COL17A1: variants seen among roughly 807,000 people sequenced by gnomAD.
The protein encoded by COL17A1 is collagen alpha-1(XVII) chain.
A neutral mutation model predicts 218.4 loss-of-function variants in COL17A1; 181 were observed. That is an observed-to-expected ratio of 0.83 (90% confidence interval 0.73 to 0.94). The LOEUF is 0.94. Among genes scored for constraint, COL17A1 ranks in the 40% least tolerant of loss-of-function variants. The probability of loss-of-function intolerance (pLI) is 0.00; values close to 1 mark genes in which losing one functional copy is unlikely to be tolerated. For missense variants in COL17A1, 1,924 were observed against 1,945.9 expected (o/e 0.99, Z 0.21); for synonymous variants, 721 against 731.0 (o/e 0.99, Z 0.22).
chr10:104,038,380 A>C (rs747166153), intron 45 of COL17A1, 26 bp downstream of exon 45: 2 of 1,613,506 alleles, frequency 1.2e-6, no homozygotes, highest in Non-Finnish European at 8.5e-7. Flanking sequence ...TCTTGTCCCC[A>C]CGGCTTGCGG....
rs2086453919 is a variant in COL17A1 at position 104,050,139 on chromosome 10, G to A, written c.2129-15C>T. 6.2e-7 allele frequency: 1 copy of A among 1,614,102 alleles called. No individual in the cohort carries two copies. Among genetic ancestry groups the A allele is most frequent in the Non-Finnish European group, 8.5e-7 (1 of 1,179,986 alleles). ...ACCCTGGTCACCTAAAGCAAACAAG[G>A]GGGAGGTGGAAAAAGCCACAGTTGT... On this transcript the variant is annotated splice_polypyrimidine_tract_variant and intron_variant, in intron 27 of 55. Coordinates refer to ENST00000648076, the MANE Select transcript of COL17A1 (RefSeq NM_000494.4).
chr10:104,036,346 G>T, intron 48 of COL17A1, 146 bp downstream of exon 48: 1 of 1,200,872 alleles, frequency 8.3e-7, no homozygotes, highest in Non-Finnish European at 1.2e-6. Context: ...TCACAGGTTT[G>T]AACGGCTCTG....
At chr10:104,059,445 G>A in intron 15 of COL17A1, 193 bp downstream of exon 15, 1 of 634,274 alleles carries the variant, frequency 1.6e-6, no homozygotes, top group Non-Finnish European at 2.9e-6. Flanking sequence ...CACCTAGGAA[G>A]CTTGTTGAAC....
At chr10:104,059,548 C>T in intron 15 of COL17A1, 90 bp downstream of exon 15, 1 of 1,238,464 alleles carries the variant, frequency 8.1e-7, no homozygotes, top group Non-Finnish European at 1.2e-6. Context: ...GCCCGTGGAC[C>T]ACACTTTGAG....
At chr10:104,059,975 A>T in intron 14 of COL17A1, 144 bp downstream of exon 14, 1 of 1,401,082 alleles carries the variant, frequency 7.1e-7, no homozygotes, top group Non-Finnish European at 9.8e-7. Flanking sequence ...CCTGGAACAT[A>T]CTATTCAGAC....
At chr10:104,079,389 A>ATG (rs144772803) in intron 2 of COL17A1, among the ~76,000 whole-genome samples, 57 of 150,732 alleles carry the variant, frequency 3.8e-4, no homozygotes, top group South Asian at 2.1e-3. Flanking sequence ...GTGTGCATGT[A>ATG]TGTGTGTGTG....
At chr10:104,044,019 T>G (rs1268600945) in intron 33 of COL17A1, among the ~76,000 whole-genome samples, 159 bp from the exon 34 acceptor site, 6 of 152,210 alleles carry the variant, frequency 3.9e-5, no homozygotes, top group African/African-American at 1.2e-4. Context: ...GCAAGCAGGA[T>G]GCATTAAGCC....
intron 36 of COL17A1, among the ~76,000 whole-genome samples, chr10:104,041,863 G>A (rs142695646): frequency 6.7e-5 from 10 of 148,960 alleles, no homozygotes; most frequent in African/African-American, 2.4e-4. Context: ...CTTTGGGCAA[G>A]TTCTCAACCT....
intron 21 of COL17A1, 25 bp from the exon 22 acceptor site, chr10:104,054,007 G>A: frequency 2.5e-6 from 4 of 1,611,842 alleles, no homozygotes; most frequent in Non-Finnish European, 3.4e-6. Context: ...GGATATCTCA[G>A]CCCCTGTTTT....
intron 36 of COL17A1, among the ~76,000 whole-genome samples, chr10:104,042,211 G>T (rs141253122): frequency 5.9e-4 from 90 of 152,268 alleles, no homozygotes; most frequent in African/African-American, 2.1e-3. Flanking sequence ...TCTGCCCCTG[G>T]TCCTCTTGTA....
At position 104,039,494 on chromosome 10, in the gene COL17A1, A is replaced by G; in HGVS notation, c.2847T>C (p.Leu949=). The G allele has an allele frequency of 6.2e-7, 1 of 1,613,932 alleles. No homozygotes were observed. The change falls in exon 43 of 56, where the codon CTT becomes CTC. Residue 949 remains leucine, a synonymous_variant. Coordinates refer to ENST00000648076, the MANE Select transcript of COL17A1 (RefSeq NM_000494.4). ...TSGSSSFGLN[L]QGPPGPPGPQ... ...GGCCAGGTGGGCCTGGTGGTCCCTG[A>G]AGGTTGAGTCCGAAAGAACTGGACC...
At chr10:104,076,529 G>T in intron 4 of COL17A1, 100 bp from the exon 5 acceptor site, 1 of 1,554,294 alleles carries the variant, frequency 6.4e-7, no homozygotes, top group Admixed American at 1.7e-5. Flanking sequence ...ACTCAGGGAG[G>T]GTCTTCGGGA....
rs1437532714 is a variant in COL17A1, at chr10:104,037,083, G to A, written c.3239C>T (p.Ser1080Phe). 6.2e-7 allele frequency: 1 copy of A among 1,607,936 alleles called. No individual in the cohort carries two copies. The highest frequency in any genetic ancestry group is 1.7e-5 in the Admixed American group (1 of 59,354). The part of the protein sequence containing the change: ...TSGYGVSLFS[S>F]SISSEDILAV... Reference sequence around the variant, plus strand: ...CAGAATGTCTTCAGAAGAGATGGAGGACGAGAACAAGCTGACACCGTACCC... The same window carrying A: ...CAGAATGTCTTCAGAAGAGATGGAGAACGAGAACAAGCTGACACCGTACCC... The change falls in exon 47 of 56, where the codon TCC (serine) becomes TTC (phenylalanine). Residue 1080 changes from serine to phenylalanine, a missense_variant. Physicochemically the swap from Ser to Phe is radical, Grantham distance 155 (BLOSUM62 -2). Transcript: ENST00000648076.
chr10:104,040,464 G>C, intron 39 of COL17A1, 54 bp from the exon 40 acceptor site: 1 of 1,152,408 alleles, frequency 8.7e-7, no homozygotes, highest in Admixed American at 1.7e-5. Context: ...TGAAGAAGCA[G>C]CACTTTGCAC....
In COL17A1 at chr10:104,080,674, A is replaced by G. The variant is rs1249083984; in HGVS notation, c.-1T>C. On this transcript the variant is annotated 5_prime_UTR_variant, in exon 2 of 56. Transcript: ENST00000648076. ...GTTTGTTTTTCTTGGTTACATCCAT[A>G]CCATAGCCACCTGCAGGAAAAATCA... is the stretch of plus-strand genomic sequence containing the variant. 6.2e-7 allele frequency: 1 copy of G among 1,613,292 alleles called. No individual in the cohort carries two copies. The highest frequency in any genetic ancestry group is 1.7e-5 in the Admixed American group (1 of 60,030).
chr10:104,078,653 T>C (rs940653766), intron 2 of COL17A1, 67 bp from the exon 3 acceptor site: 88 of 1,602,182 alleles, frequency 5.5e-5, no homozygotes, highest in Non-Finnish European at 6.8e-5. Context: ...CTTGGCAAGG[T>C]CTAAGCTCTG....
chr10:104,052,080 C>T, intron 24 of COL17A1, 75 bp downstream of exon 24: 1 of 1,603,632 alleles, frequency 6.2e-7, no homozygotes, highest in South Asian at 1.1e-5. Context: ...GTCCCAGGGC[C>T]TCTTCTCTGT....
intron 9 of COL17A1, among the ~76,000 whole-genome samples, chr10:104,069,742 GA>G (rs1467700077): frequency 1.3e-5 from 2 of 151,562 alleles, no homozygotes; most frequent in African/African-American, 4.9e-5. Flanking sequence ...CCCGCCTCTT[GA>G]GTTCACAGTT....
chr10:104,056,235 G>A lies in COL17A1; in HGVS notation c.1466-232C>T, dbSNP rs74767875. On this transcript the variant is annotated intron_variant, in intron 17 of 55. Transcript: ENST00000648076. ...GGAGTCAGTCTTCTCATCTGAGCTG[G>A]GTGACAAAGCTTGTCCTCACTCTCC... Among the ~76,000 whole-genome samples the A allele has an allele frequency of 0.019, 2,853 of 152,262 alleles. 93 individuals are homozygous for A. The highest frequency in any genetic ancestry group is 0.066 in the African/African-American group (2,746 of 41,536).
Sources: gnomAD v4.1 joint callset for allele counts (sites outside exome capture counted in the v4.1 genomes callset) on GRCh38, gnomAD v4.1.1 for gene constraint, MANE v1.5 for transcripts, NCBI Gene and HGNC (gene_info 2026-07-23, HGNC 2026-07-21) for gene names.